Variants in TLN2 observed in about 807,000 individuals in gnomAD.
TLN2 encodes talin-2.
Under a neutral mutation model 294.7 loss-of-function variants are expected in TLN2, and 118 were observed. The ratio of observed to expected loss-of-function variants is 0.40; its 90% confidence interval spans 0.34 to 0.47. The LOEUF is 0.47. TLN2 is among the 20% of genes least tolerant of loss of function. The pLI is 0.84. For synonymous variants in TLN2, 1,431 were observed against 1,304.5 expected, an observed-to-expected ratio of 1.10 and a Z score of -2.09; for missense variants, 3,083 against 3,282.2, an observed-to-expected ratio of 0.94 and a Z score of 1.48.
chr15:62,699,811 C>T (rs2058601476), intron 16 of TLN2, among the ~76,000 whole-genome samples: 1 of 152,174 alleles, frequency 6.6e-6, no homozygotes, highest in Admixed American at 6.5e-5. Context: ...AAACAAAGCC[C>T]AAAGCACCAG....
intron 1 of TLN2, among the ~76,000 whole-genome samples, chr15:62,423,729 C>T (rs147109727): frequency 3.4e-4 from 51 of 152,120 alleles, no homozygotes; most frequent in African/African-American, 1.1e-3. Context: ...TACAGATGCC[C>T]GCCACCACAC....
At chr15:62,718,550 G>A (rs1324652072) in intron 24 of TLN2, among the ~76,000 whole-genome samples, 1 of 152,186 alleles carries the variant, frequency 6.6e-6, no homozygotes, top group Non-Finnish European at 1.5e-5. Flanking sequence ...TCCTGAATCT[G>A]GATTCTCTGA....
At chr15:62,650,016 G>C in intron 4 of TLN2, 68 bp from the exon 5 acceptor site, 1 of 1,512,442 alleles carries the variant, frequency 6.6e-7, no homozygotes, top group Non-Finnish European at 9.2e-7. Context: ...AGCAGGCTCA[G>C]GGCCTGGAAG....
intron 3 of TLN2, among the ~76,000 whole-genome samples, chr15:62,633,019 C>G (rs1256842076): frequency 1.3e-5 from 2 of 152,202 alleles, no homozygotes; most frequent in African/African-American, 4.8e-5. Context: ...TAACAAAATG[C>G]TAACATAGTC....
Position 62,753,859 on chromosome 15 carries a change from C to T in TLN2, c.4419C>T (p.Asn1473=). 6.2e-7 allele frequency: 1 copy of T among 1,611,552 alleles called. No individual in the cohort carries two copies. The highest frequency in any genetic ancestry group is 8.5e-7 in the Non-Finnish European group (1 of 1,178,958). Reference sequence around the variant, plus strand: ...ACCCCATCCAGTTTGCCAGGGCTAACCAGGCCATCCAGATGGCATGCCAGA... The same window carrying T: ...ACCCCATCCAGTTTGCCAGGGCTAATCAGGCCATCCAGATGGCATGCCAGA... ...LVDPIQFARA[N]QAIQMACQNL... The change falls in exon 36 of 59, where the codon AAC becomes AAT. Residue 1473 remains asparagine (N), a synonymous_variant. Coordinates refer to ENST00000636159, the MANE Select transcript of TLN2 (RefSeq NM_015059.3).
chr15:62,601,976 G>T (rs981798580), intron 2 of TLN2, among the ~76,000 whole-genome samples: 26 of 152,154 alleles, frequency 1.7e-4, no homozygotes, highest in Non-Finnish European at 2.9e-4. Flanking sequence ...ACTTTCTGGT[G>T]AGATCAAATG....
At chr15:62,668,309 T>C (rs1338386577) in intron 9 of TLN2, among the ~76,000 whole-genome samples, 3 of 152,202 alleles carry the variant, frequency 2.0e-5, no homozygotes, top group Non-Finnish European at 2.9e-5. Flanking sequence ...CTATATATTA[T>C]ATGAAAACAT....
chr15:62,736,869 T>C lies in TLN2; in HGVS notation c.3359-9T>C. On this transcript the variant is annotated splice_polypyrimidine_tract_variant and intron_variant, in intron 28 of 58. Transcript: ENST00000636159. ...TCTAATTGGAAATCTGATGGACTTTTTCCCCCAGGGGTGGCTGCTAGAGAG... is the reference window on the plus strand; with the variant it reads ...TCTAATTGGAAATCTGATGGACTTTCTCCCCCAGGGGTGGCTGCTAGAGAG... The C allele has an allele frequency of 6.2e-7, 1 of 1,611,666 alleles. No homozygotes were observed. Among genetic ancestry groups the C allele is most frequent in the Non-Finnish European group, 8.5e-7 (1 of 1,178,300 alleles).
intron 7 of TLN2, among the ~76,000 whole-genome samples, chr15:62,653,534 G>A (rs28698296): frequency 0.02 from 3,045 of 152,144 alleles, 98 homozygotes; most frequent in African/African-American, 0.064. Flanking sequence ...GACCAGCCTG[G>A]CCAATATGGT....
intron 23 of TLN2, among the ~76,000 whole-genome samples, chr15:62,716,793 C>A (rs1006303991): frequency 6.6e-6 from 1 of 152,054 alleles, no homozygotes; most frequent in African/African-American, 2.4e-5. Flanking sequence ...TTTGTCAGGG[C>A]TTCCCATAGG....
chr15:62,695,464 T>A (rs1032731686), intron 14 of TLN2, among the ~76,000 whole-genome samples: 18 of 152,156 alleles, frequency 1.2e-4, no homozygotes, highest in Admixed American at 1.2e-3. Context: ...AGTCCACGGA[T>A]AAGGAAACTG....
rs2068062026 is a variant in TLN2, at chr15:62,825,805, ATATTATAT to A, written c.7002+5199_7002+5206del. On this transcript the variant is annotated intron_variant, in intron 54 of 58. Transcript: ENST00000636159. Reference sequence around the variant, plus strand: ...TATTATATATTATAATATATATTATATATTATATTATAATATATATTATAATATATAAT... The same window carrying A: ...TATTATATATTATAATATATATTATATATAATATATATTATAATATATAAT... Among the ~76,000 whole-genome samples, 37 of 78,480 alleles carry A rather than the reference ATATTATAT, an allele frequency of 4.7e-4. 1 individual carries two copies. The South Asian group carries it at 0.012, about 26-fold the overall frequency. 51.5% of individuals were successfully genotyped at this position (78,480 alleles called of 152,430 possible).
intron 1 of TLN2, among the ~76,000 whole-genome samples, chr15:62,513,993 A>G (rs1021255059): frequency 6.6e-6 from 1 of 152,244 alleles, no homozygotes; most frequent in Non-Finnish European, 1.5e-5. Context: ...AACCAAAGCA[A>G]AAGAAATTCT....
At chr15:62,712,848 G>T (rs1330274055) in intron 22 of TLN2, among the ~76,000 whole-genome samples, 1 of 152,102 alleles carries the variant, frequency 6.6e-6, no homozygotes, top group Non-Finnish European at 1.5e-5. Context: ...GTTTTTTATT[G>T]TGTACCTAGC....
chr15:62,738,105 G>T (rs749516243), intron 29 of TLN2, 109 bp from the exon 30 acceptor site: 302 of 1,288,078 alleles, frequency 2.3e-4, no homozygotes, highest in Non-Finnish European at 3.0e-4. Context: ...GTGGATGCTG[G>T]TGGGTCATTT....
chr15:62,432,176 A>G (rs1282123242), intron 1 of TLN2, among the ~76,000 whole-genome samples: 5 of 152,034 alleles, frequency 3.3e-5, no homozygotes, highest in Admixed American at 2.0e-4. Context: ...TTTTTATCGA[A>G]TTTTTTATTA....
intron 1 of TLN2, among the ~76,000 whole-genome samples, chr15:62,399,256 C>CAAAAA (rs546678440): frequency 0.063 from 3,682 of 58,416 alleles, 624 homozygotes; most frequent in Non-Finnish European, 0.078. Flanking sequence ...CCGTCTCAAA[C>CAAAAA]AAAAAAAAAA....
intron 1 of TLN2, among the ~76,000 whole-genome samples, chr15:62,406,164 C>T (rs1230363751): frequency 6.6e-6 from 1 of 152,216 alleles, no homozygotes; most frequent in African/African-American, 2.4e-5. Context: ...TGGCTGGGAT[C>T]ATAGAAATTT....
intron 2 of TLN2, among the ~76,000 whole-genome samples, chr15:62,604,914 T>C (rs1381302933): frequency 2.0e-5 from 3 of 151,790 alleles, no homozygotes; most frequent in Middle Eastern, 3.2e-3. Context: ...TCCTCCTCCT[T>C]TCCCCCATTA....
Sources: gnomAD v4.1 joint callset for allele counts (sites outside exome capture counted in the v4.1 genomes callset) on GRCh38, gnomAD v4.1.1 for gene constraint, MANE v1.5 for transcripts, NCBI Gene and HGNC (gene_info 2026-07-23, HGNC 2026-07-21) for gene names.